PTGDS: variants seen among roughly 807,000 people sequenced by gnomAD.
PTGDS encodes prostaglandin-H2 D-isomerase.
Under a neutral mutation model 28.4 loss-of-function variants are expected in PTGDS, and 21 were observed. That is an observed-to-expected ratio of 0.74 (90% confidence interval 0.52 to 1.07). The LOEUF (loss-of-function observed/expected upper bound fraction) is 1.07. Among genes scored for constraint, PTGDS ranks in the 50% least tolerant of loss-of-function variants. The pLI is 0.00. For synonymous variants in PTGDS, 102 were observed against 106.0 expected (o/e 0.96, Z 0.23); for missense variants, 243 against 247.7 (o/e 0.98, Z 0.13).
At position 136,978,915 on chromosome 9, in the gene PTGDS, G is replaced by T. The variant is rs577231020; in HGVS notation, c.115-78G>T. On this transcript the variant is annotated intron_variant, in intron 1 of 6. Transcript: ENST00000371625. ...CGGGTTGGAGACCGGAGGAGTAGAC[G>T]GCAGAGGCGCCCCCGCAGGTAGGCG... 7.7e-6 allele frequency: 12 copies of T among 1,563,470 alleles called. No homozygotes were observed. In the African/African-American group the frequency reaches 9.5e-5, roughly 12 times the overall value.
At chr9:136,978,903 G>A (rs756699620) in intron 1 of PTGDS, 90 bp from the exon 2 acceptor site, 6 of 1,542,324 alleles carry the variant, frequency 3.9e-6, no homozygotes, top group Non-Finnish European at 5.2e-6. Flanking sequence ...GTTGGAGACC[G>A]GAGGAGTAGA....
intron 5 of PTGDS, 137 bp downstream of exon 5, chr9:136,980,421 G>A: frequency 1.9e-6 from 2 of 1,031,392 alleles, no homozygotes; most frequent in East Asian, 2.6e-5. Context: ...GAGGGGGTGA[G>A]TGTTCAAGTC....
At chr9:136,981,107 T>C (rs1054482154) in intron 6 of PTGDS, 3 of 560,570 alleles carry the variant, frequency 5.4e-6, no homozygotes, top group Non-Finnish European at 6.1e-6. Flanking sequence ...TCCTGAAGGC[T>C]CATGGTTGGG....
At chr9:136,979,545 C>A (rs1041247984) in intron 3 of PTGDS, 8 of 1,238,488 alleles carry the variant, frequency 6.5e-6, no homozygotes, top group Non-Finnish European at 8.9e-6. Context: ...GGCCCCTTCC[C>A]TGCCCTCTGG....
intron 1 of PTGDS, among the ~76,000 whole-genome samples, chr9:136,978,283 T>A (rs1395307113): frequency 6.6e-6 from 1 of 152,014 alleles, no homozygotes; most frequent in African/African-American, 2.4e-5. Context: ...GCCCGCTGTA[T>A]GGGCCAGGCG....
In PTGDS at chr9:136,979,227, A is replaced by G. The variant is rs757166459; in HGVS notation, c.259A>G (p.Asn87Asp). The change falls in exon 3 of 7, where the codon AAC becomes GAC. Residue 87 changes from asparagine to aspartate, a missense_variant. Coordinates refer to ENST00000371625, the MANE Select transcript of PTGDS (RefSeq NM_000954.6). ...LNLTSTFLRK[N>D]QCETRTMLLQ... ...CCTGAGGTCACCCACCTACAGGAAAAACCAGTGTGAGACCCGAACCATGCT... is the reference window on the plus strand; with the variant it reads ...CCTGAGGTCACCCACCTACAGGAAAGACCAGTGTGAGACCCGAACCATGCT... The G allele has an allele frequency of 6.2e-7, 1 of 1,613,028 alleles. No homozygotes were observed. Among genetic ancestry groups the G allele is most frequent in the Admixed American group, 1.7e-5 (1 of 60,006 alleles).
intron 3 of PTGDS, 85 bp from the exon 4 acceptor site, chr9:136,979,861 A>G (rs1276175885): frequency 7.6e-7 from 1 of 1,320,014 alleles, no homozygotes; most frequent in Non-Finnish European, 1.1e-6. Flanking sequence ...AGTGCCCCCA[A>G]AGCCCACAGG....
At chr9:136,980,578 G>C (rs1265264015) in intron 5 of PTGDS, 1 of 1,314,528 alleles carries the variant, frequency 7.6e-7, no homozygotes, top group African/African-American at 1.5e-5. Flanking sequence ...GTGCCCATGG[G>C]GGATACAGGG....
intron 6 of PTGDS, 145 bp downstream of exon 6, chr9:136,981,000 G>C: frequency 8.1e-7 from 1 of 1,234,086 alleles, no homozygotes; most frequent in Non-Finnish European, 1.1e-6. Context: ...CTGCAGTCCA[G>C]GGCCGGGCGG....
intron 5 of PTGDS, 90 bp downstream of exon 5, chr9:136,980,374 G>C: frequency 7.1e-7 from 1 of 1,415,554 alleles, no homozygotes. Context: ...GAGGGGAGGA[G>C]GTGGCCCCGC....
At chr9:136,980,662 C>T (rs1490322462) in intron 5 of PTGDS, 171 bp from the exon 6 acceptor site, 1 of 1,567,970 alleles carries the variant, frequency 6.4e-7, no homozygotes, top group East Asian at 2.4e-5. Flanking sequence ...TGGAGAAAGA[C>T]CCTCTCTTTG....
At chr9:136,979,565 C>T in intron 3 of PTGDS, 1 of 1,074,998 alleles carries the variant, frequency 9.3e-7, no homozygotes, top group Non-Finnish European at 1.3e-6. Context: ...GAGTTTTCCC[C>T]ACATAAGCAG....
At chr9:136,980,946 G>T in intron 6 of PTGDS, 91 bp downstream of exon 6, 1 of 1,481,754 alleles carries the variant, frequency 6.7e-7, no homozygotes, top group Non-Finnish European at 9.0e-7. Context: ...GATGGATCAG[G>T]GCCCCAGGAC....
At position 136,980,798 on chromosome 9, in the gene PTGDS, G is replaced by A. The variant is rs986187399; in HGVS notation, c.551-35G>A. The A allele has an allele frequency of 3.1e-6, 5 of 1,613,874 alleles. No homozygotes were observed. In the Admixed American group the frequency reaches 8.3e-5, roughly 27 times the overall value. On this transcript the variant is annotated intron_variant, in intron 5 of 6. Transcript: ENST00000371625. Reference sequence around the variant, plus strand: ...GTGGGAAAATTGGCCTAAGTCTGGGGTTCTGACGACAGCCCCTGGCTTCTT... The same window carrying A: ...GTGGGAAAATTGGCCTAAGTCTGGGATTCTGACGACAGCCCCTGGCTTCTT...
In PTGDS at chr9:136,980,008, T is replaced by TACAG; in HGVS notation, c.395_398dup (p.Ser133ArgfsTer27). ...CGACTACGACCAGTACGCGCTGCTG[T>TACAG]ACAGCCAGGGCAGCAAGGGCCCTGG... On this transcript the variant is annotated frameshift_variant, in exon 4 of 7. Coordinates refer to ENST00000371625, the MANE Select transcript of PTGDS (RefSeq NM_000954.6). LOFTEE classifies it high-confidence loss of function. 6.2e-7 allele frequency: 1 copy of TACAG among 1,613,092 alleles called. No homozygotes were observed. Among genetic ancestry groups the TACAG allele is most frequent in the Non-Finnish European group, 8.5e-7 (1 of 1,179,900 alleles).
chr9:136,977,775 G>A, intron 1 of PTGDS, 83 bp downstream of exon 1: 1 of 1,274,358 alleles, frequency 7.8e-7, no homozygotes, highest in Non-Finnish European at 1.1e-6. Flanking sequence ...CTTCCCCCTG[G>A]GAGGAGTGAG....
At position 136,979,485 on chromosome 9, in the gene PTGDS, C is replaced by T. The variant is rs570272361; in HGVS notation, c.331+186C>T. The stretch of plus-strand genomic sequence containing the variant: ...GCACAAGTGTTAGGGACAGAGAGAC[C>T]CTTCCTCCAGGGGGTTGGATCCTCT... On this transcript the variant is annotated intron_variant, in intron 3 of 6. Transcript: ENST00000371625. 2.0e-6 allele frequency: 3 copies of T among 1,525,734 alleles called. No homozygotes were observed. In the East Asian group the frequency reaches 7.4e-5, roughly 37 times the overall value. 94.5% of individuals were successfully genotyped at this position (1,525,734 alleles called of 1,614,324 possible). A position where few individuals can be genotyped will look rare whatever the true frequency, so the allele number is the denominator to read the frequency against.
chr9:136,977,865 G>A (rs1023374093), intron 1 of PTGDS, among the ~76,000 whole-genome samples, 173 bp downstream of exon 1: 6 of 144,534 alleles, frequency 4.2e-5, no homozygotes, highest in African/African-American at 1.5e-4. Context: ...CGCCCGAGGA[G>A]GCTGCCCGCG....
At chr9:136,980,772 A>C in intron 5 of PTGDS, 61 bp from the exon 6 acceptor site, 2 of 1,613,968 alleles carry the variant, frequency 1.2e-6, no homozygotes, top group African/African-American at 2.7e-5. Context: ...CAGGAAGCCC[A>C]GTGGGAAAAT....
Sources: gnomAD v4.1 joint callset for allele counts (sites outside exome capture counted in the v4.1 genomes callset) on GRCh38, gnomAD v4.1.1 for gene constraint, MANE v1.5 for transcripts, NCBI Gene and HGNC (gene_info 2026-07-23, HGNC 2026-07-21) for gene names.